Variants in NFATC1 observed in about 807,000 individuals in gnomAD.
NFATC1 encodes nuclear factor of activated T cells 1.
In NFATC1, 22 loss-of-function variants were observed where a neutral mutation model predicts 76.0. That is an observed-to-expected ratio of 0.29 (90% CI 0.21 to 0.41). The LOEUF is 0.41. Among genes scored for constraint, NFATC1 ranks in the 10% least tolerant of loss-of-function variants. The pLI is 1.00. For synonymous variants in NFATC1, 704 were observed against 613.1 expected (o/e 1.15, Z -2.19); for missense variants, 1,357 against 1,337.7 (o/e 1.01, Z -0.23).
chr18:79,429,227 A>G (rs1386394097), intron 2 of NFATC1, among the ~76,000 whole-genome samples: 3 of 151,996 alleles, frequency 2.0e-5, no homozygotes, highest in African/African-American at 7.2e-5. Flanking sequence ...TCTCAAAAAA[A>G]AAAAAAAAAA....
intron 8 of NFATC1, 115 bp from the exon 9 acceptor site, chr18:79,486,133 A>G (rs2089486259): frequency 1.1e-6 from 1 of 884,886 alleles, no homozygotes; most frequent in Non-Finnish European, 1.8e-6. Flanking sequence ...GGCAGGAGAC[A>G]GAGGGACCCA....
At position 79,451,089 on chromosome 18, in the gene NFATC1, G is replaced by T. The variant is rs780139706; in HGVS notation, c.1725G>T (p.Thr575=). The T allele has an allele frequency of 6.2e-7, 1 of 1,613,042 alleles. No homozygotes were observed. Among genetic ancestry groups the T allele is most frequent in the Non-Finnish European group, 8.5e-7 (1 of 1,179,816 alleles). Residue 575 remains threonine (T), a synonymous_variant, in exon 5 of 10, where the codon ACG becomes ACT. Transcript: ENST00000427363. ...ACGTCCCGCAACCCAGCGGCCGCAC[G>T]CTGTCCCTGCAGGTGGCCTCCAACC... ...RVHVPQPSGR[T]LSLQVASNPI...
At chr18:79,492,850 G>T (rs2089724516) in intron 9 of NFATC1, among the ~76,000 whole-genome samples, 1 of 148,556 alleles carries the variant, frequency 6.7e-6, no homozygotes, top group African/African-American at 2.6e-5. Context: ...CTCCAGCCTG[G>T]GTGACAAAGC....
intron 9 of NFATC1, among the ~76,000 whole-genome samples, chr18:79,512,737 C>A (rs2090287172): frequency 6.6e-6 from 1 of 152,234 alleles, no homozygotes; most frequent in Non-Finnish European, 1.5e-5. Flanking sequence ...GCCGTTTGAA[C>A]AGTGGAGCCT....
At chr18:79,514,970 G>A (rs984221488) in intron 9 of NFATC1, among the ~76,000 whole-genome samples, 1 of 152,062 alleles carries the variant, frequency 6.6e-6, no homozygotes, top group Admixed American at 6.5e-5. Flanking sequence ...CTTGAACCTG[G>A]GAGGTCGAGG....
Position 79,396,323 on chromosome 18 carries a change from C to A in NFATC1, c.99C>A (p.Ala33=). ...AAACTTTGGGGCCCGCGCCGCGCGC[C>A]GGCGGCACCATGAAGTCAGCGGAGG... ...RGETLGPAPR[A]GGTMKSAEEE... The change falls in exon 1 of 10, where the codon GCC becomes GCA. Residue 33 remains alanine, a synonymous_variant. Coordinates refer to ENST00000427363, the MANE Select transcript of NFATC1 (RefSeq NM_001278669.2). 3 of 1,412,710 alleles carry A rather than the reference C, an allele frequency of 2.1e-6. No homozygotes were observed. Among genetic ancestry groups the A allele is most frequent in the Non-Finnish European group, 2.8e-6 (3 of 1,068,036 alleles). The allele number at this position is 1,412,710 out of a possible 1,614,324, so 87.5% of individuals were successfully genotyped here.
intron 2 of NFATC1, among the ~76,000 whole-genome samples, chr18:79,418,929 T>C (rs935070543): frequency 6.6e-6 from 1 of 152,188 alleles, no homozygotes; most frequent in African/African-American, 2.4e-5. Context: ...ATCTTCTCCC[T>C]GGTCCTTCTC....
chr18:79,447,248 C>G (rs2087246936), intron 3 of NFATC1, among the ~76,000 whole-genome samples: 1 of 152,234 alleles, frequency 6.6e-6, no homozygotes, highest in East Asian at 1.9e-4. Flanking sequence ...TCCCTCTGCC[C>G]ACTGACATCT....
intron 9 of NFATC1, among the ~76,000 whole-genome samples, chr18:79,510,967 G>A (rs989425624): frequency 6.6e-6 from 1 of 152,202 alleles, no homozygotes; most frequent in Non-Finnish European, 1.5e-5. Flanking sequence ...CGGTCTTGTC[G>A]CTGCGGTGGA....
intron 9 of NFATC1, chr18:79,496,120 C>T (rs2089879190): frequency 1.3e-5 from 2 of 152,696 alleles, no homozygotes; most frequent in South Asian, 2.1e-4. Context: ...ACTCTGTTTT[C>T]CTCCTACAGA....
At position 79,527,658 on chromosome 18, in the gene NFATC1, A is replaced by T. The variant is rs945057971; in HGVS notation, c.*81A>T. On this transcript the variant is annotated 3_prime_UTR_variant, in exon 10 of 10. Coordinates refer to ENST00000427363, the MANE Select transcript of NFATC1 (RefSeq NM_001278669.2). ...ACTTTTGAATAAATAAACTGAACTC[A>T]CACCTGGTACCACTCAGAACCTCCA... is the stretch of plus-strand genomic sequence containing the variant. 4 of 1,257,408 alleles carry T rather than the reference A, an allele frequency of 3.2e-6. No individual in the cohort carries two copies. The highest frequency in any genetic ancestry group is 1.5e-5 in the African/African-American group (1 of 67,390). 77.9% of individuals were successfully genotyped at this position (1,257,408 alleles called of 1,614,324 possible). A position where few individuals can be genotyped will look rare whatever the true frequency, so the allele number is the denominator to read the frequency against.
At chr18:79,497,300 A>C (rs2089913510) in intron 9 of NFATC1, 1 of 152,276 alleles carries the variant, frequency 6.6e-6, no homozygotes, top group African/African-American at 2.4e-5. Context: ...GAACAAACAC[A>C]GATGCATTCA....
At chr18:79,481,683 TCG>T (rs2089276589) in intron 8 of NFATC1, among the ~76,000 whole-genome samples, 1 of 152,224 alleles carries the variant, frequency 6.6e-6, no homozygotes, top group Non-Finnish European at 1.5e-5. Flanking sequence ...CCATAGACCC[TCG>T]TGAGCCAGGC....
At chr18:79,462,039 C>T (rs1180922745) in intron 7 of NFATC1, among the ~76,000 whole-genome samples, 1 of 152,208 alleles carries the variant, frequency 6.6e-6, no homozygotes, top group Non-Finnish European at 1.5e-5. Context: ...TTTCCAACTC[C>T]CCCAGTCACC....
chr18:79,462,376 G>C (rs545135623), intron 7 of NFATC1, among the ~76,000 whole-genome samples: 1 of 152,242 alleles, frequency 6.6e-6, no homozygotes, highest in East Asian at 1.9e-4. Context: ...CGTTCTTGTT[G>C]CCCAGGCTGG....
chr18:79,522,827 G>T (rs2090650328), intron 9 of NFATC1, among the ~76,000 whole-genome samples: 1 of 152,184 alleles, frequency 6.6e-6, no homozygotes, highest in African/African-American at 2.4e-5. Flanking sequence ...CAGCCAGTAG[G>T]CCCATCCAGC....
intron 2 of NFATC1, among the ~76,000 whole-genome samples, chr18:79,418,162 T>G (rs752413822): frequency 8.0e-5 from 12 of 149,988 alleles, no homozygotes; most frequent in African/African-American, 1.8e-4. Flanking sequence ...ATGGAGACTG[T>G]GGGGGTCGGG....
chr18:79,427,976 T>TG (rs2086455426), intron 2 of NFATC1, among the ~76,000 whole-genome samples: 2 of 94,748 alleles, frequency 2.1e-5, no homozygotes, highest in African/African-American at 4.2e-5. Context: ...GGCGGGGGGG[T>TG]GCTGGACGGC....
chr18:79,451,586 C>A, intron 5 of NFATC1, 90 bp from the exon 6 acceptor site: 1 of 1,361,232 alleles, frequency 7.3e-7, no homozygotes, highest in Non-Finnish European at 9.5e-7. Context: ...CTGGGTGGGT[C>A]GGCTCACGTG....
Sources: allele counts gnomAD v4.1 joint callset (sites outside exome capture counted in the v4.1 genomes callset), GRCh38; gene constraint gnomAD v4.1.1; transcripts MANE v1.5; gene names NCBI Gene and HGNC (gene_info 2026-07-23, HGNC 2026-07-21).